The following YAE1 variants were observed in gnomAD, a reference collection of about 807,000 sequenced individuals.
YAE1 encodes YAE1 maturation factor of ABCE1.
In YAE1, 22 loss-of-function variants were observed where a neutral mutation model predicts 23.0. The ratio of observed to expected loss-of-function variants is 0.96; its 90% CI spans 0.68 to 1.37. YAE1 has a LOEUF of 1.37. Ranked by LOEUF, YAE1 falls within the 40% of genes most tolerant of loss-of-function variation. The pLI is 0.00. For missense variants in YAE1, 260 were observed against 262.1 expected, an observed-to-expected ratio of 0.99 and a Z score of 0.06; for synonymous variants, 101 against 97.0, an observed-to-expected ratio of 1.04 and a Z score of -0.24.
intron 2 of YAE1, among the ~76,000 whole-genome samples, chr7:39,595,920 T>C (rs1213855792): frequency 6.6e-6 from 1 of 152,254 alleles, no homozygotes; most frequent in Admixed American, 6.5e-5. Flanking sequence ...CAAGTCTATA[T>C]ACAGCAGATA....
intron 2 of YAE1, among the ~76,000 whole-genome samples, chr7:39,593,823 G>A (rs1019114228): frequency 2.0e-5 from 3 of 152,102 alleles, no homozygotes; most frequent in African/African-American, 7.2e-5. Context: ...TTTAAATTAT[G>A]TTTTCTTTTA....
intron 2 of YAE1, among the ~76,000 whole-genome samples, chr7:39,583,059 A>G (rs1209782468): frequency 6.6e-6 from 1 of 152,246 alleles, no homozygotes; most frequent in Non-Finnish European, 1.5e-5. Flanking sequence ...TGGTTGCTGC[A>G]TTCAATCTAG....
chr7:39,592,009 C>T (rs2115823474), intron 2 of YAE1, among the ~76,000 whole-genome samples: 1 of 152,314 alleles, frequency 6.6e-6, no homozygotes, highest in Non-Finnish European at 1.5e-5. Context: ...CTTTATATGG[C>T]TTGATAGCTC....
intron 2 of YAE1, among the ~76,000 whole-genome samples, chr7:39,601,798 C>A (rs1351362369): frequency 6.6e-6 from 1 of 150,862 alleles, no homozygotes; most frequent in Non-Finnish European, 1.5e-5. Flanking sequence ...AGTCCAACTT[C>A]TTTGACTTAA....
At chr7:39,599,335 A>ATAG (rs1414757154) in intron 2 of YAE1, among the ~76,000 whole-genome samples, 1 of 152,118 alleles carries the variant, frequency 6.6e-6, no homozygotes, top group Non-Finnish European at 1.5e-5. Context: ...TGAGGTGATA[A>ATAG]TAGTAGTTTC....
At chr7:39,583,356 G>A (rs1286317526) in intron 2 of YAE1, among the ~76,000 whole-genome samples, 1 of 149,942 alleles carries the variant, frequency 6.7e-6, no homozygotes, top group East Asian at 1.9e-4. Flanking sequence ...TTTTAAAAGA[G>A]AAAGACCAGT....
At chr7:39,569,571 T>C in intron 1 of YAE1, 1 of 552,000 alleles carries the variant, frequency 1.8e-6, no homozygotes, top group Non-Finnish European at 3.5e-6. Context: ...TGTGTGCCTT[T>C]CTGAAGGACA....
At chr7:39,576,394 G>A (rs1583671025), downstream of YAE1, among the ~76,000 whole-genome samples, 1 of 151,984 alleles carries the variant, frequency 6.6e-6, no homozygotes, top group East Asian at 1.9e-4. Flanking sequence ...TCAGGTCTTG[G>A]CCCAAACCTG....
chr7:39,569,964 T>C, intron 1 of YAE1: 1 of 1,333,022 alleles, frequency 7.5e-7, no homozygotes, highest in Non-Finnish European at 1.1e-6. Context: ...TTTCACAACA[T>C]TAACCTCAGA....
chr7:39,609,860 T>C (rs768035010), exon 3 of YAE1: 1 of 1,533,736 alleles, frequency 6.5e-7, no homozygotes, highest in Non-Finnish European at 8.7e-7. Context: ...ACCGCCGGCG[T>C]TTCAGACGCA....
At chr7:39,585,938 A>G (rs2115809181) in intron 2 of YAE1, among the ~76,000 whole-genome samples, 1 of 152,164 alleles carries the variant, frequency 6.6e-6, no homozygotes, top group South Asian at 2.1e-4. Context: ...CCTCATCTCT[A>G]CAAAAAAATA....
At chr7:39,605,389 A>C (rs1025693921) in intron 2 of YAE1, among the ~76,000 whole-genome samples, 1 of 152,252 alleles carries the variant, frequency 6.6e-6, no homozygotes, top group African/African-American at 2.4e-5. Context: ...GATTGAATAA[A>C]GCAAGTTGTC....
intron 2 of YAE1, among the ~76,000 whole-genome samples, chr7:39,598,641 G>A (rs1374758650): frequency 6.6e-6 from 1 of 151,744 alleles, no homozygotes; most frequent in Non-Finnish European, 1.5e-5. Context: ...GCCGGGTGTG[G>A]TGGCTCATGC....
chr7:39,580,509 A>G (rs1790726121), intron 2 of YAE1, among the ~76,000 whole-genome samples: 1 of 151,678 alleles, frequency 6.6e-6, no homozygotes, highest in Non-Finnish European at 1.5e-5. Flanking sequence ...GCTTTCATGC[A>G]TGTGTATGCA....
intron 1 of YAE1, chr7:39,569,449 T>C: frequency 2.0e-6 from 1 of 492,118 alleles, no homozygotes. Context: ...GTTCCTTCTT[T>C]ACTTTTGGCT....
chr7:39,579,614 G>A (rs1488486959), intron 2 of YAE1, among the ~76,000 whole-genome samples: 1 of 150,502 alleles, frequency 6.6e-6, no homozygotes, highest in African/African-American at 2.5e-5. Flanking sequence ...GGTGCAGTGA[G>A]CTGAGATCAC....
At chr7:39,572,927 G>A (rs1790596550), downstream of YAE1, 1 of 1,125,396 alleles carries the variant, frequency 8.9e-7, no homozygotes, top group Admixed American at 4.3e-5. Flanking sequence ...GATATGGTCA[G>A]AAATTTCTAC....
chr7:39,568,059 G>A (rs182437765), intron 1 of YAE1, among the ~76,000 whole-genome samples: 11 of 152,076 alleles, frequency 7.2e-5, no homozygotes, highest in African/African-American at 2.4e-4. Context: ...AATGTGTGGC[G>A]AAACCCCATC....
At position 39,590,975 on chromosome 7, in the gene YAE1, G is replaced by C. The variant is rs572590454; in HGVS notation, c.252-18642G>C. 2.6e-5 allele frequency among the ~76,000 whole-genome samples: 4 copies of C among 152,292 alleles called. No individual in the cohort carries two copies. The South Asian group carries it at 8.3e-4, about 32-fold the overall frequency. On this transcript the variant is annotated intron_variant, in intron 2 of 2. Coordinates refer to the YAE1 transcript ENST00000432096. ...GGGTGGCTGGGTGGCTTAAACAATA[G>C]ACATTTATTTTCTCACAGTTCTGGA...
Sources: allele counts gnomAD v4.1 joint callset (sites outside exome capture counted in the v4.1 genomes callset), GRCh38; gene constraint gnomAD v4.1.1; transcripts MANE v1.5; gene names NCBI Gene and HGNC (gene_info 2026-07-23, HGNC 2026-07-21).